CBFA2T3: variants seen among roughly 807,000 people sequenced by gnomAD.
CBFA2T3 encodes the protein CBFA2/RUNX1 partner transcriptional co-repressor 3.
A neutral mutation model predicts 58.6 loss-of-function variants in CBFA2T3; 31 were observed. The observed-to-expected ratio is 0.53, with a 90% confidence interval of 0.40 to 0.71. The LOEUF (loss-of-function observed/expected upper bound fraction) is 0.71, where lower values mean the gene tolerates loss of function less well. Among genes scored for constraint, CBFA2T3 ranks in the 30% least tolerant of loss-of-function variants. CBFA2T3 has a pLI of 0.00. For missense variants in CBFA2T3, 1,076 were observed against 963.1 expected, an observed-to-expected ratio of 1.12 and a Z score of -1.55; for synonymous variants, 531 against 421.9, an observed-to-expected ratio of 1.26 and a Z score of -3.17.
chr16:88,881,519 C>T, intron 8 of CBFA2T3, 30 bp from the exon 9 acceptor site: 1 of 1,588,002 alleles, frequency 6.3e-7, no homozygotes, highest in Non-Finnish European at 8.6e-7. Flanking sequence ...CCTTCAGCAC[C>T]TCAGAGGGAC....
intron 1 of CBFA2T3, among the ~76,000 whole-genome samples, chr16:88,923,092 C>T (rs1970974161): frequency 6.6e-6 from 1 of 152,242 alleles, no homozygotes. Context: ...TACCCCACGT[C>T]TCCCCAATTC....
Position 88,877,028 on chromosome 16 carries a change from G to A in CBFA2T3, c.1910C>T (p.Ser637Phe), listed in dbSNP as rs1037548716. ...SPSEAGSAGP[S>F]RPGSPSPPGP... ...AGGTGGGCTGGGGGAGCCGGGGCGA[G>A]AAGGCCCCGCAGAGCCGGCTTCGCT... is the stretch of plus-strand genomic sequence containing the variant. Residue 637 changes from serine to phenylalanine, a missense_variant, in exon 12 of 12, where the codon TCT becomes TTT. Physicochemically the swap from Ser to Phe is radical, Grantham distance 155. Coordinates refer to ENST00000268679, the MANE Select transcript of CBFA2T3 (RefSeq NM_005187.6). 2 of 1,492,842 alleles carry A rather than the reference G, an allele frequency of 1.3e-6. No homozygotes were observed. The highest frequency in any genetic ancestry group is 1.8e-6 in the Non-Finnish European group (2 of 1,124,524). 92.5% of individuals were successfully genotyped at this position (1,492,842 alleles called of 1,614,324 possible).
At chr16:88,889,896 T>G (rs1969555881) in intron 5 of CBFA2T3, among the ~76,000 whole-genome samples, 1 of 126,190 alleles carries the variant, frequency 7.9e-6, no homozygotes, top group African/African-American at 3.2e-5. Context: ...CGATTCCTCC[T>G]CCTTCAGGGA....
At chr16:88,970,985 G>A (rs1402587189) in intron 1 of CBFA2T3, among the ~76,000 whole-genome samples, 1 of 152,202 alleles carries the variant, frequency 6.6e-6, no homozygotes, top group African/African-American at 2.4e-5. Context: ...GGGCTCGGGA[G>A]GCTTGTGGAG....
chr16:88,897,432 T>C (rs542395487), intron 3 of CBFA2T3, among the ~76,000 whole-genome samples: 170 of 152,280 alleles, frequency 1.1e-3, no homozygotes, highest in African/African-American at 3.9e-3. Flanking sequence ...CACTCAGTGG[T>C]TGACAAAAAC....
At chr16:88,954,421 C>G (rs1972161340) in intron 1 of CBFA2T3, among the ~76,000 whole-genome samples, 1 of 143,062 alleles carries the variant, frequency 7.0e-6, no homozygotes, top group East Asian at 2.0e-4. Flanking sequence ...TGACCCCACC[C>G]AAGGCTCCTG....
chr16:88,880,618 CAG>C, intron 10 of CBFA2T3, 100 bp downstream of exon 10: 1 of 976,840 alleles, frequency 1.0e-6, no homozygotes, highest in Non-Finnish European at 1.6e-6. Flanking sequence ...CCTGAGCCCC[CAG>C]AGAGAGACAG....
At chr16:88,962,452 T>C (rs956881790) in intron 1 of CBFA2T3, among the ~76,000 whole-genome samples, 3 of 152,206 alleles carry the variant, frequency 2.0e-5, no homozygotes, top group Non-Finnish European at 2.9e-5. Context: ...CACTGTCCTG[T>C]GGGGGACGCT....
Position 88,959,774 on chromosome 16 carries a change from C to G in CBFA2T3, c.151+16883G>C, listed in dbSNP as rs58448876. On this transcript the variant is annotated intron_variant, in intron 1 of 11. Coordinates refer to ENST00000268679, the MANE Select transcript of CBFA2T3 (RefSeq NM_005187.6). ...TAAAAAGATCATTAAGCCTGTCATC[C>G]CAGCACTTTGGGAGGCCAAGGCAGG... Among the ~76,000 whole-genome samples the G allele has an allele frequency of 3.1e-3, 473 of 152,280 alleles. 2 individuals carry two copies. The highest frequency in any genetic ancestry group is 0.011 in the African/African-American group (449 of 41,546).
chr16:88,916,323 C>A (rs112601126), intron 1 of CBFA2T3, among the ~76,000 whole-genome samples: 1 of 124,694 alleles, frequency 8.0e-6, no homozygotes, highest in African/African-American at 3.0e-5. Context: ...TGTATTCATG[C>A]GTGTATTCAT....
chr16:88,914,448 T>A (rs568282582), intron 1 of CBFA2T3, among the ~76,000 whole-genome samples: 1 of 152,230 alleles, frequency 6.6e-6, no homozygotes, highest in Non-Finnish European at 1.5e-5. Flanking sequence ...ACATCCCCTA[T>A]GAGTGAACAT....
At chr16:88,888,140 C>T (rs1011584385) in intron 5 of CBFA2T3, among the ~76,000 whole-genome samples, 7 of 152,036 alleles carry the variant, frequency 4.6e-5, no homozygotes, top group African/African-American at 1.7e-4. Context: ...AGATTCACCA[C>T]CCCAACTACG....
chr16:88,929,525 A>G (rs1233271874), intron 1 of CBFA2T3, among the ~76,000 whole-genome samples: 1 of 152,278 alleles, frequency 6.6e-6, no homozygotes, highest in African/African-American at 2.4e-5. Flanking sequence ...TCATCCACAC[A>G]AAAGCTACCG....
intron 1 of CBFA2T3, among the ~76,000 whole-genome samples, chr16:88,954,932 T>TCCAAGGCTCCTGACCCCAG (rs1567633211): frequency 2.3e-4 from 1 of 4,372 alleles, no homozygotes; most frequent in African/African-American, 1.9e-3. Context: ...CCTGACCCCA[T>TCCAAGGCTCCTGACCCCAG]CCAAGGCTCC....
At chr16:88,896,735 T>C (rs958621292) in intron 3 of CBFA2T3, among the ~76,000 whole-genome samples, 3 of 152,130 alleles carry the variant, frequency 2.0e-5, no homozygotes, top group Admixed American at 2.0e-4. Flanking sequence ...CTGTGGACCT[T>C]CCAGCAGCTT....
At chr16:88,905,791 C>G (rs1273334845) in intron 1 of CBFA2T3, among the ~76,000 whole-genome samples, 8 of 148,158 alleles carry the variant, frequency 5.4e-5, no homozygotes, top group African/African-American at 2.0e-4. Context: ...GGGCTGAGAG[C>G]TAGTCTGCGG....
Position 88,976,713 on chromosome 16 carries a change from C to A in CBFA2T3, c.95G>T (p.Gly32Val), listed in dbSNP as rs1972871591. ...GGAGCAGCCGGCAGATGCCAGGAGG[C>A]CGCTCTCCAGCACAGGGTGCGTCTG... is the stretch of plus-strand genomic sequence containing the variant. ...MSQTHPVLES[G>V]LLASAGCSAP... Residue 32 changes from glycine to valine, a missense_variant, in exon 1 of 12, where the codon GGC becomes GTC. Physicochemically the swap from Gly to Val is moderately radical, Grantham distance 109. Coordinates refer to ENST00000268679, the MANE Select transcript of CBFA2T3 (RefSeq NM_005187.6). 3.8e-6 allele frequency: 6 copies of A among 1,558,944 alleles called. No homozygotes were observed. The highest frequency in any genetic ancestry group is 5.2e-6 in the Non-Finnish European group (6 of 1,151,402).
chr16:88,888,695 G>A (rs953200616), intron 5 of CBFA2T3, among the ~76,000 whole-genome samples: 3 of 150,134 alleles, frequency 2.0e-5, no homozygotes, highest in Admixed American at 6.6e-5. Context: ...CCTGGAAGCA[G>A]GACTGGCCGC....
intron 11 of CBFA2T3, among the ~76,000 whole-genome samples, chr16:88,878,086 G>A (rs562623585): frequency 2.0e-5 from 3 of 152,336 alleles, no homozygotes; most frequent in East Asian, 3.9e-4. Context: ...CGGTCCCTCC[G>A]CTGGGCCCGC....
Sources: gnomAD v4.1 joint callset for allele counts (sites outside exome capture counted in the v4.1 genomes callset) on GRCh38, gnomAD v4.1.1 for gene constraint, MANE v1.5 for transcripts, NCBI Gene and HGNC (gene_info 2026-07-23, HGNC 2026-07-21) for gene names.